LRBA: variants seen among roughly 807,000 people sequenced by gnomAD.
LRBA encodes the protein LPS responsive beige-like anchor protein, also known as lipopolysaccharide-responsive and beige-like anchor protein.
Under a neutral mutation model 330.0 loss-of-function variants are expected in LRBA, and 176 were observed. That is an observed-to-expected ratio of 0.53 (90% CI 0.47 to 0.60). LRBA has a LOEUF of 0.60. Ranked by LOEUF, LRBA falls within the 20% of genes least tolerant of loss-of-function variation. The pLI is 0.00. For missense variants in LRBA, 3,259 were observed against 3,444.8 expected (o/e 0.95, Z 1.35); for synonymous variants, 1,230 against 1,193.0 (o/e 1.03, Z -0.64).
chr4:150,852,852 G>A lies in LRBA; in HGVS notation c.2858C>T (p.Thr953Ile). The A allele has an allele frequency of 6.2e-7, 1 of 1,613,656 alleles. No individual in the cohort carries two copies. The highest frequency in any genetic ancestry group is 8.5e-7 in the Non-Finnish European group (1 of 1,179,736). ...AATGCCAGAGGCTGCTTGAACTGAAGTTGAAGAACACAGCCCTATTTCTTC... is the reference window on the plus strand; with the variant it reads ...AATGCCAGAGGCTGCTTGAACTGAAATTGAAGAACACAGCCCTATTTCTTC... The part of the protein sequence containing the change: ...VDEEIGLCSS[T>I]SVQAASGIRR... The change falls in exon 23 of 57, where the codon ACT (threonine) becomes ATT (isoleucine). Residue 953 changes from threonine (T) to isoleucine (I), a missense_variant. Thr to Ile is a moderately conservative substitution (Grantham distance 89, BLOSUM62 -1). Coordinates refer to ENST00000651943, the MANE Select transcript of LRBA (RefSeq NM_001364905.1).
At position 150,284,921 on chromosome 4, in the gene LRBA, C is replaced by A. The variant is rs146208341; in HGVS notation, c.8119+1012G>T. Among the ~76,000 whole-genome samples the A allele has an allele frequency of 4.9e-4, 74 of 152,266 alleles. No homozygotes were observed. In the East Asian group the frequency reaches 0.013, roughly 28 times the overall value. ...GTTTCAGTTGGCGTGCTCACTTTTACAGTTCCATACTACTGTGCAAAGAAA... is the reference window on the plus strand; with the variant it reads ...GTTTCAGTTGGCGTGCTCACTTTTAAAGTTCCATACTACTGTGCAAAGAAA... On this transcript the variant is annotated intron_variant, in intron 54 of 56. Transcript: ENST00000651943.
chr4:150,397,068 G>A (rs1398754675), intron 47 of LRBA, among the ~76,000 whole-genome samples: 3 of 152,108 alleles, frequency 2.0e-5, no homozygotes, highest in Non-Finnish European at 4.4e-5. Context: ...ACTGGAGTAG[G>A]TGTATGTCCT....
At chr4:150,989,612 CA>C (rs934038318) in intron 2 of LRBA, among the ~76,000 whole-genome samples, 2 of 150,266 alleles carry the variant, frequency 1.3e-5, no homozygotes, top group African/African-American at 2.4e-5. Flanking sequence ...GACTCCATCT[CA>C]AAAAAAAGAA....
Position 150,849,524 on chromosome 4 carries a change from G to A in LRBA, c.4056C>T (p.Ile1352=). The A allele has an allele frequency of 1.9e-6, 3 of 1,613,282 alleles. No individual in the cohort carries two copies. The highest frequency in any genetic ancestry group is 2.7e-5 in the African/African-American group (2 of 75,046). The change falls in exon 25 of 57, where the codon ATC becomes ATT. Residue 1352 remains isoleucine, a synonymous_variant. Transcript: ENST00000651943. ...MDFVNSSDNV[I]FVHNTIHLIS... is the part of the protein sequence containing the mutation. ...TGAGATGAATTGTGTTGTGTACAAA[G>A]ATGACATTATCACTGCTATTCACGA...
intron 33 of LRBA, among the ~76,000 whole-genome samples, chr4:150,800,168 G>A (rs1045819130): frequency 6.6e-6 from 1 of 152,146 alleles, no homozygotes; most frequent in African/African-American, 2.4e-5. Flanking sequence ...CTTTCTAGTT[G>A]GATATGAATA....
intron 17 of LRBA, among the ~76,000 whole-genome samples, chr4:150,879,188 C>A (rs1377184069): frequency 3.3e-5 from 5 of 152,286 alleles, no homozygotes; most frequent in South Asian, 2.1e-4. Context: ...AAGTAGGCTT[C>A]ATTTCTGGAA....
At chr4:150,559,740 T>TA (rs1767923952) in intron 40 of LRBA, among the ~76,000 whole-genome samples, 1 of 88,778 alleles carries the variant, frequency 1.1e-5, no homozygotes, top group African/African-American at 4.7e-5. Flanking sequence ...TATAATATAA[T>TA]ATATAATATA....
At chr4:150,739,416 T>C (rs1366798920) in intron 35 of LRBA, among the ~76,000 whole-genome samples, 1 of 152,142 alleles carries the variant, frequency 6.6e-6, no homozygotes, top group Non-Finnish European at 1.5e-5. Flanking sequence ...AATGATGGAA[T>C]CATACTCAGT....
chr4:150,420,031 G>A (rs1350562862), intron 46 of LRBA, among the ~76,000 whole-genome samples: 2 of 150,640 alleles, frequency 1.3e-5, no homozygotes, highest in Non-Finnish European at 3.0e-5. Context: ...GTTTCCAGGA[G>A]TTCAAGACCA....
chr4:150,292,844 C>T (rs1728489028), intron 53 of LRBA, among the ~76,000 whole-genome samples: 1 of 152,002 alleles, frequency 6.6e-6, no homozygotes, highest in South Asian at 2.1e-4. Context: ...TACTGAAGTC[C>T]ATACCACTTG....
chr4:150,324,882 C>T (rs937399063), intron 49 of LRBA, among the ~76,000 whole-genome samples: 8 of 152,114 alleles, frequency 5.3e-5, no homozygotes, highest in Non-Finnish European at 8.8e-5. Context: ...ATTTTAATCA[C>T]GCACTTCAAT....
At chr4:150,723,029 A>G (rs915635455) in intron 36 of LRBA, among the ~76,000 whole-genome samples, 1 of 152,110 alleles carries the variant, frequency 6.6e-6, no homozygotes, top group East Asian at 1.9e-4. Flanking sequence ...GAGGGGAATG[A>G]CATATCCCAG....
At chr4:150,485,515 G>T (rs79057489) in intron 42 of LRBA, among the ~76,000 whole-genome samples, 1,558 of 151,954 alleles carry the variant, frequency 0.01, 14 homozygotes, top group Middle Eastern at 0.017. Context: ...CATCAGGGTG[G>T]GCCCAAGTCC....
intron 47 of LRBA, among the ~76,000 whole-genome samples, chr4:150,358,014 C>T (rs1738128937): frequency 6.6e-6 from 1 of 152,034 alleles, no homozygotes; most frequent in African/African-American, 2.4e-5. Context: ...TGGAAAAACA[C>T]ATTATTTCTA....
intron 30 of LRBA, among the ~76,000 whole-genome samples, chr4:150,821,298 T>G (rs1171322718): frequency 6.7e-6 from 1 of 150,340 alleles, no homozygotes; most frequent in African/African-American, 2.5e-5. Context: ...CATTTTTTTC[T>G]TTATGAACTC....
intron 2 of LRBA, 53 bp downstream of exon 2, chr4:151,014,374 G>C (rs775317816): frequency 2.3e-5 from 33 of 1,454,754 alleles, no homozygotes; most frequent in East Asian, 1.8e-4. Flanking sequence ...TTAAGATCTT[G>C]TTCCCCAACC....
intron 2 of LRBA, among the ~76,000 whole-genome samples, chr4:150,963,762 ATCG>A (rs1387378737): frequency 7.2e-6 from 1 of 139,438 alleles, no homozygotes; most frequent in Non-Finnish European, 1.5e-5. Flanking sequence ...CTGGCCGCCC[ATCG>A]TCTGGGATGT....
In LRBA at chr4:150,562,535, C is replaced by T. The variant is rs185911285; in HGVS notation, c.6330+25513G>A. On this transcript the variant is annotated intron_variant, in intron 40 of 56. Transcript: ENST00000651943. ...ATGTTCTCAGTAAATGTTTAGAGGA[C>T]AGAGGAGAAAGTAAGGTCTTAACCT... Among the ~76,000 whole-genome samples, 146 of 152,186 alleles carry T rather than the reference C, an allele frequency of 9.6e-4. 1 individual carries two copies. In the South Asian group the frequency reaches 0.013, roughly 13 times the overall value.
chr4:150,350,357 G>A (rs1736971516), intron 47 of LRBA, among the ~76,000 whole-genome samples, 198 bp from the exon 48 acceptor site: 1 of 152,138 alleles, frequency 6.6e-6, no homozygotes, highest in Admixed American at 6.5e-5. Context: ...AGACCATGAG[G>A]TCAGGAGTTT....
Sources: allele counts gnomAD v4.1 joint callset (sites outside exome capture counted in the v4.1 genomes callset), GRCh38; gene constraint gnomAD v4.1.1; transcripts MANE v1.5; gene names NCBI Gene and HGNC (gene_info 2026-07-23, HGNC 2026-07-21).